The following CCDC82 variants were observed in gnomAD, a reference collection of about 807,000 sequenced individuals.
The protein encoded by CCDC82 is coiled-coil domain-containing protein 82.
CCDC82 carries 47 observed loss-of-function variants against 60.6 expected under a neutral mutation model. The ratio of observed to expected loss-of-function variants is 0.77; its 90% CI spans 0.61 to 0.99. CCDC82 has a LOEUF of 0.99. Among genes scored for constraint, CCDC82 ranks in the 50% least tolerant of loss-of-function variants. The probability of loss-of-function intolerance (pLI) is 0.00; values close to 1 mark genes in which losing one functional copy is unlikely to be tolerated. For missense variants in CCDC82, 588 were observed against 633.0 expected, an observed-to-expected ratio of 0.93 and a Z score of 0.76; for synonymous variants, 212 against 207.4, an observed-to-expected ratio of 1.02 and a Z score of -0.19.
At chr11:96,375,514 A>G (rs967929225) in intron 5 of CCDC82, among the ~76,000 whole-genome samples, 4 of 152,174 alleles carry the variant, frequency 2.6e-5, no homozygotes, top group East Asian at 1.9e-4. Flanking sequence ...TTGAAAAATA[A>G]TATTACTGAG....
intron 2 of CCDC82, chr11:96,387,308 A>G (rs1866251028): frequency 6.6e-6 from 1 of 152,234 alleles, no homozygotes; most frequent in Non-Finnish European, 1.5e-5. Flanking sequence ...CCAGAATGTC[A>G]GTTATTTATC....
intron 3 of CCDC82, chr11:96,385,532 A>G (rs1010388138): frequency 6.6e-6 from 1 of 152,304 alleles, no homozygotes; most frequent in Non-Finnish European, 1.5e-5. Context: ...AAATTGAGAG[A>G]TAATATATCC....
Position 96,383,994 on chromosome 11 carries a change from G to A in CCDC82, c.754C>T (p.Arg252Cys), listed in dbSNP as rs752598700. 5.0e-6 allele frequency: 8 copies of A among 1,613,062 alleles called. No individual in the cohort carries two copies. Among genetic ancestry groups the A allele is most frequent in the Middle Eastern group, 1.6e-4 (1 of 6,062 alleles). The change falls in exon 4 of 10, where the codon CGT (arginine) becomes TGT (cysteine). Residue 252 changes from arginine (R) to cysteine (C), a missense_variant. Arg to Cys is a radical substitution (Grantham distance 180, BLOSUM62 -3). Coordinates refer to ENST00000646818, the MANE Select transcript of CCDC82 (RefSeq NM_024725.4). ...TCTCTACCACTACTGCGTCTCTGAC[G>A]AGATCTTTGTTTTGAGAGTTCTTTG... The part of the protein sequence containing the change: ...KLKELSKQRS[R>C]QRRSSGRDFE...
intron 5 of CCDC82, among the ~76,000 whole-genome samples, chr11:96,375,014 A>ATTTAAC (rs10641952): frequency 0.11 from 16,285 of 152,104 alleles, 1,070 homozygotes; most frequent in African/African-American, 0.18. Flanking sequence ...CTTCAATAGA[A>ATTTAAC]TTTGACTAGA....
intron 5 of CCDC82, among the ~76,000 whole-genome samples, chr11:96,379,864 G>A (rs1235922294): frequency 1.3e-5 from 2 of 151,770 alleles, no homozygotes; most frequent in East Asian, 1.9e-4. Flanking sequence ...TCTGCTTAAC[G>A]ACTGGACTGA....
intron 4 of CCDC82, 110 bp downstream of exon 4, chr11:96,383,852 A>G (rs1866017785): frequency 2.0e-6 from 2 of 985,304 alleles, no homozygotes; most frequent in Admixed American, 2.9e-5. Flanking sequence ...TTAAAAAATA[A>G]ATTCTAGAAT....
intron 9 of CCDC82, chr11:96,357,273 T>TA (rs1203031985): frequency 3.0e-6 from 3 of 985,390 alleles, no homozygotes; most frequent in Non-Finnish European, 3.6e-6. Flanking sequence ...TAGGAACAAA[T>TA]TTTTTAAGTG....
Position 96,383,343 on chromosome 11 carries a change from T to C in CCDC82, c.917A>G (p.Asp306Gly). 6.2e-7 allele frequency: 1 copy of C among 1,607,158 alleles called. No homozygotes were observed. Among genetic ancestry groups the C allele is most frequent in the South Asian group, 1.1e-5 (1 of 90,718 alleles). ...TCCTTGTTGGTTTTTATTCTCTTCA[T>C]CACCCTCCTCATCTTGCACTACAAA... is the stretch of plus-strand genomic sequence containing the variant. ...DDFVVQDEEG[D>G]EENKNQQGEK... is the part of the protein sequence containing the mutation. Residue 306 changes from aspartate to glycine, a missense_variant, in exon 5 of 10, where the codon GAT (aspartate) becomes GGT (glycine). Transcript: ENST00000646818.
At chr11:96,387,103 G>T (rs1015410946) in intron 2 of CCDC82, 31 of 152,188 alleles carry the variant, frequency 2.0e-4, no homozygotes, top group Non-Finnish European at 4.3e-4. Context: ...ACAAAGCATG[G>T]CTTTCTAATA....
At chr11:96,363,710 C>T (rs1245833023) in intron 8 of CCDC82, 11 of 151,824 alleles carry the variant, frequency 7.2e-5, no homozygotes, top group Non-Finnish European at 1.6e-4. Context: ...CCCTTTTTTC[C>T]TCTAGGAATC....
intron 5 of CCDC82, among the ~76,000 whole-genome samples, chr11:96,379,498 T>C (rs901056791): frequency 1.3e-5 from 2 of 151,870 alleles, no homozygotes; most frequent in Non-Finnish European, 3.0e-5. Flanking sequence ...TCACGAACTC[T>C]AATGGGTACT....
rs1470261908 is a variant in CCDC82, at chr11:96,383,371, C to T, written c.889G>A (p.Asp297Asn). 2.5e-6 allele frequency: 4 copies of T among 1,602,946 alleles called. No individual in the cohort carries two copies. In the Admixed American group the frequency reaches 5.1e-5, roughly 20 times the overall value. ...CCCTCCTCATCTTGCACTACAAAGTCATCGATAATATAATCATCTCCATCT... is the reference window on the plus strand; with the variant it reads ...CCCTCCTCATCTTGCACTACAAAGTTATCGATAATATAATCATCTCCATCT... The part of the protein sequence containing the change: ...DEDGDDYIID[D>N]FVVQDEEGDE... The change falls in exon 5 of 10, where the codon GAC (aspartate) becomes AAC (asparagine). Residue 297 changes from aspartate (D) to asparagine (N), a missense_variant. Asp to Asn is a conservative substitution (Grantham distance 23). Coordinates refer to ENST00000646818, the MANE Select transcript of CCDC82 (RefSeq NM_024725.4).
intron 5 of CCDC82, 38 bp from the exon 6 acceptor site, chr11:96,373,505 AC>A: frequency 8.0e-7 from 1 of 1,248,780 alleles, no homozygotes; most frequent in Non-Finnish European, 1.2e-6. Flanking sequence ...AACAGAGCAG[AC>A]AAAATAATTT....
chr11:96,360,489 C>T (rs1200719263), intron 8 of CCDC82, among the ~76,000 whole-genome samples: 3 of 151,938 alleles, frequency 2.0e-5, no homozygotes, highest in Admixed American at 6.6e-5. Context: ...GCCACCACGC[C>T]CAGCCAATAT....
intron 5 of CCDC82, chr11:96,381,921 A>G (rs548214689): frequency 6.6e-6 from 1 of 152,024 alleles, no homozygotes; most frequent in East Asian, 1.9e-4. Flanking sequence ...TGGCAGTAGC[A>G]TCAAACTACT....
Position 96,357,128 on chromosome 11 carries a change from G to A in CCDC82, c.1566+1865C>T, listed in dbSNP as rs7124520. 438 of 985,348 alleles carry A rather than the reference G, an allele frequency of 4.4e-4. 1 individual carries two copies. The African/African-American group carries it at 7.3e-3, about 16-fold the overall frequency. The allele number at this position is 985,348 out of a possible 1,614,324, so 61.0% of individuals were successfully genotyped here. A position where few individuals can be genotyped will look rare whatever the true frequency, so the allele number is the denominator to read the frequency against. On this transcript the variant is annotated intron_variant, in intron 9 of 9. Coordinates refer to ENST00000646818, the MANE Select transcript of CCDC82 (RefSeq NM_024725.4). ...ATCACTCAAAGGCACACAGTGAGAG[G>A]GACAGACAGAGTGAGGATGGGAAAT...
At chr11:96,377,357 TAC>T (rs145911994) in intron 5 of CCDC82, among the ~76,000 whole-genome samples, 51 of 149,530 alleles carry the variant, frequency 3.4e-4, no homozygotes, top group East Asian at 1.8e-3. Context: ...GTGTACATAA[TAC>T]ACACACACAC....
intron 1 of CCDC82, chr11:96,388,244 G>C (rs1047103793): frequency 6.6e-6 from 1 of 152,204 alleles, no homozygotes; most frequent in Non-Finnish European, 1.5e-5. Context: ...AAGCTAGTTT[G>C]ATGGGTAAGA....
intron 6 of CCDC82, among the ~76,000 whole-genome samples, chr11:96,372,393 GTC>G (rs973851494): frequency 1.9e-4 from 29 of 150,964 alleles, no homozygotes; most frequent in Middle Eastern, 3.4e-3. Context: ...CTCATTTATT[GTC>G]TGTCTCTCCC....
Sources: allele counts gnomAD v4.1 joint callset (sites outside exome capture counted in the v4.1 genomes callset), GRCh38; gene constraint gnomAD v4.1.1; transcripts MANE v1.5; gene names NCBI Gene and HGNC (gene_info 2026-07-23, HGNC 2026-07-21).